The following ADH7 variants were observed in gnomAD, a reference collection of about 807,000 sequenced individuals.
The protein encoded by ADH7 is all-trans-retinol dehydrogenase [NAD(+)] ADH7.
A neutral mutation model predicts 34.4 loss-of-function variants in ADH7; 41 were observed. That is an observed-to-expected ratio of 1.19 (90% confidence interval 0.93 to 1.55). The LOEUF (loss-of-function observed/expected upper bound fraction) is 1.55, where lower values mean the gene tolerates loss of function less well. Among genes scored for constraint, ADH7 ranks in the 40% most tolerant of loss-of-function variants. The probability of loss-of-function intolerance (pLI) is 0.00; values close to 1 mark genes in which losing one functional copy is unlikely to be tolerated. For missense variants in ADH7, 540 were observed against 461.2 expected (o/e 1.17, Z -1.56); for synonymous variants, 180 against 160.9 (o/e 1.12, Z -0.90).
rs1276254393 is a variant in ADH7, at chr4:99,418,990, A to G, written c.957T>C (p.Phe319=). 5 of 1,613,638 alleles carry G rather than the reference A, an allele frequency of 3.1e-6. No homozygotes were observed. The highest frequency in any genetic ancestry group is 4.2e-6 in the Non-Finnish European group (5 of 1,179,720). ...CAGAGGCTTTGCTTTCCTGACCTCC[A>G]AAGACACATCCCTTCCATGTGCGTC... is the stretch of plus-strand genomic sequence containing the variant. ...FTGRTWKGCV[F]GGLKSRDDVP... The change falls in exon 7 of 9, where the codon TTT becomes TTC. Residue 319 remains phenylalanine (F), a synonymous_variant. Coordinates refer to ENST00000437033, the MANE Select transcript of ADH7 (RefSeq NM_000673.7).
At chr4:99,427,428 A>C (rs1383894743) in intron 5 of ADH7, among the ~76,000 whole-genome samples, 2 of 152,194 alleles carry the variant, frequency 1.3e-5, no homozygotes, top group Non-Finnish European at 1.5e-5. Context: ...AGAAACTAGG[A>C]GTAAAAGCTC....
Position 99,428,502 on chromosome 4 carries a change from T to C in ADH7, c.249A>G (p.Thr83=). Residue 83 remains threonine, a synonymous_variant, in exon 3 of 9, where the codon ACA becomes ACG. Coordinates refer to ENST00000437033, the MANE Select transcript of ADH7 (RefSeq NM_000673.7). ...IVESIGEGVT[T]VKPGDKVIPL... ...GACACCTGCATATACCTGGTTTCAC[T>C]GTAGTCACTCCTTCTCCAATGCTCT... 13 of 1,612,262 alleles carry C rather than the reference T, an allele frequency of 8.1e-6. No individual in the cohort carries two copies. Among genetic ancestry groups the C allele is most frequent in the Middle Eastern group, 1.7e-4 (1 of 6,052 alleles).
At chr4:99,424,785 TG>T (rs1432535178) in intron 5 of ADH7, among the ~76,000 whole-genome samples, 2 of 152,070 alleles carry the variant, frequency 1.3e-5, no homozygotes, top group Non-Finnish European at 2.9e-5. Context: ...GCTGAGACAA[TG>T]GGGTTTTCTA....
intron 1 of ADH7, 92 bp downstream of exon 1, chr4:99,435,124 A>T (rs573597055): frequency 1.3e-6 from 2 of 1,558,076 alleles, no homozygotes; most frequent in Non-Finnish European, 8.7e-7. Context: ...AATATCTCCA[A>T]GTGTTTAATT....
Position 99,427,847 on chromosome 4 carries a change from C to G in ADH7, c.490G>C (p.Ala164Pro). The change falls in exon 5 of 9, where the codon GCT becomes CCT. Residue 164 changes from alanine to proline, a missense_variant. Ala to Pro is a conservative substitution (Grantham distance 27). Coordinates refer to ENST00000437033, the MANE Select transcript of ADH7 (RefSeq NM_000673.7). The stretch of plus-strand genomic sequence containing the variant: ...ATTAAACAGACTTTCTCAGGAGGAG[C>G]TGCATCATCAATCTTAGCAACAGAA... Reference protein sequence around the residue: ...ESSVAKIDDAAPPEKVCLIGC... With the variant: ...ESSVAKIDDAPPPEKVCLIGC... 1.2e-6 allele frequency: 2 copies of G among 1,612,726 alleles called. No homozygotes were observed. The highest frequency in any genetic ancestry group is 1.7e-6 in the Non-Finnish European group (2 of 1,179,284).
rs376821544 is a variant in ADH7, at chr4:99,420,772, C to T, written c.586G>A (p.Val196Ile). ...TGKVKPGSTC[V>I]VFGLGGVGLS... is the part of the protein sequence containing the mutation. ...CCAACTCCTCCCAGGCCAAAGACGACGCAAGTGGAACCAGGTTTGACCTGT... is the reference window on the plus strand; with the variant it reads ...CCAACTCCTCCCAGGCCAAAGACGATGCAAGTGGAACCAGGTTTGACCTGT... Residue 196 changes from valine to isoleucine, a missense_variant, in exon 6 of 9, where the codon GTC becomes ATC. By Grantham distance (29) the Val-to-Ile change is conservative. Coordinates refer to ENST00000437033, the MANE Select transcript of ADH7 (RefSeq NM_000673.7). 122 of 1,613,666 alleles carry T rather than the reference C, an allele frequency of 7.6e-5. No individual in the cohort carries two copies. The Admixed American group carries it at 7.8e-4, about 10-fold the overall frequency.
intron 8 of ADH7, 193 bp downstream of exon 8, chr4:99,415,285 C>A (rs905485453): frequency 8.9e-5 from 51 of 576,026 alleles, no homozygotes; most frequent in Non-Finnish European, 1.4e-4. Flanking sequence ...GACCCAGTCT[C>A]GGGCAGTTTT....
At chr4:99,425,513 A>T (rs1056322377) in intron 5 of ADH7, among the ~76,000 whole-genome samples, 3 of 152,176 alleles carry the variant, frequency 2.0e-5, no homozygotes, top group East Asian at 1.9e-4. Context: ...GAGCTAACTA[A>T]CCTAAATATA....
rs1722008036 is a variant in ADH7 at position 99,434,685 on chromosome 4, AT to A, written c.18+530del. ...AATAATATAGTCTTGATTTTAAAGA[AT>A]TTTTAAATATATATTTTGATAAAAA... On this transcript the variant is annotated intron_variant, in intron 1 of 8. Coordinates refer to ENST00000437033, the MANE Select transcript of ADH7 (RefSeq NM_000673.7). Among the ~76,000 whole-genome samples the A allele has an allele frequency of 2.0e-5, 3 of 152,314 alleles. No homozygotes were observed. The South Asian group carries it at 6.2e-4, about 32-fold the overall frequency.
chr4:99,423,050 C>G (rs1270423737), intron 5 of ADH7, among the ~76,000 whole-genome samples: 1 of 120,882 alleles, frequency 8.3e-6, no homozygotes, highest in African/African-American at 3.1e-5. Context: ...ACAACAGTCT[C>G]CAGAGTGTGA....
chr4:99,434,900 A>G, intron 1 of ADH7: 2 of 763,546 alleles, frequency 2.6e-6, no homozygotes, highest in Non-Finnish European at 4.3e-6. Flanking sequence ...CCTTGTGGAA[A>G]CATTTGGCTT....
At chr4:99,425,909 T>C in intron 5 of ADH7, among the ~76,000 whole-genome samples, 1 of 151,956 alleles carries the variant, frequency 6.6e-6, no homozygotes. Context: ...AGAAACTCAC[T>C]CAAAACCGCT....
intron 5 of ADH7, among the ~76,000 whole-genome samples, chr4:99,426,391 C>T (rs1721805683): frequency 6.6e-6 from 1 of 152,080 alleles, no homozygotes; most frequent in South Asian, 2.1e-4. Flanking sequence ...ACCACCAATC[C>T]CACAGAAATA....
intron 8 of ADH7, 141 bp downstream of exon 8, chr4:99,415,337 A>G (rs558035200): frequency 2.6e-5 from 24 of 917,252 alleles, no homozygotes; most frequent in Non-Finnish European, 3.9e-5. Flanking sequence ...TGCAGTGGGT[A>G]AAGAGAAGTA....
chr4:99,427,623 A>T, intron 5 of ADH7, 150 bp downstream of exon 5: 1 of 463,298 alleles, frequency 2.2e-6, no homozygotes. Flanking sequence ...TTTTTCTTTT[A>T]GTTGATTTGG....
chr4:99,419,716 T>C (rs548448649), intron 6 of ADH7, among the ~76,000 whole-genome samples: 1 of 152,308 alleles, frequency 6.6e-6, no homozygotes, highest in South Asian at 2.1e-4. Context: ...TCTAATGATA[T>C]ATCCAGTATC....
intron 5 of ADH7, among the ~76,000 whole-genome samples, chr4:99,427,526 T>C (rs111558838): frequency 0.053 from 8,107 of 152,272 alleles, 335 homozygotes; most frequent in Middle Eastern, 0.1. Flanking sequence ...ATTTTAAAGA[T>C]GGAGAAATGA....
intron 5 of ADH7, among the ~76,000 whole-genome samples, chr4:99,426,477 C>T (rs1721807636): frequency 6.6e-6 from 1 of 152,156 alleles, no homozygotes; most frequent in Non-Finnish European, 1.5e-5. Context: ...GGATAAATTC[C>T]TTGACACATA....
intron 6 of ADH7, among the ~76,000 whole-genome samples, 154 bp downstream of exon 6, chr4:99,420,379 T>C (rs866306509): frequency 1.2e-4 from 19 of 152,216 alleles, no homozygotes; most frequent in Middle Eastern, 3.2e-3. Context: ...TTAGGCAAAA[T>C]TGCTATGTGA....
Sources: gnomAD v4.1 joint callset for allele counts (sites outside exome capture counted in the v4.1 genomes callset) on GRCh38, gnomAD v4.1.1 for gene constraint, MANE v1.5 for transcripts, NCBI Gene and HGNC (gene_info 2026-07-23, HGNC 2026-07-21) for gene names.